Variants in TENM3 observed in about 807,000 individuals in gnomAD.
The protein encoded by TENM3 is teneurin-3.
TENM3 carries 63 observed loss-of-function variants against 255.1 expected under a neutral mutation model. That is an observed-to-expected ratio of 0.25 (90% CI 0.20 to 0.30). The LOEUF (loss-of-function observed/expected upper bound fraction) is 0.30. TENM3 is among the 10% of genes least tolerant of loss of function. The pLI is 1.00. For missense variants in TENM3, 2,929 were observed against 3,461.1 expected, an observed-to-expected ratio of 0.85 and a Z score of 3.86; for synonymous variants, 1,306 against 1,322.3, an observed-to-expected ratio of 0.99 and a Z score of 0.27.
the TENM3 span, among the ~76,000 whole-genome samples, chr4:182,111,343 C>T: frequency 6.6e-6 from 1 of 151,984 alleles, no homozygotes; most frequent in Non-Finnish European, 1.5e-5. Context: ...AGCAATAAAC[C>T]ATAATGGTCT....
intron 1 of TENM3, among the ~76,000 whole-genome samples, chr4:182,159,087 A>C (rs1750912505): frequency 6.6e-6 from 1 of 152,162 alleles, no homozygotes; most frequent in African/African-American, 2.4e-5. Context: ...TCTTCATCTG[A>C]ACATGGGGTT....
At chr4:182,014,707 G>T in the TENM3 span, among the ~76,000 whole-genome samples, 1 of 152,054 alleles carries the variant, frequency 6.6e-6, no homozygotes, top group Admixed American at 6.6e-5. Flanking sequence ...TATGGATGGG[G>T]CACTGGGGAA....
At chr4:182,051,848 T>C in the TENM3 span, among the ~76,000 whole-genome samples, 1 of 152,150 alleles carries the variant, frequency 6.6e-6, no homozygotes, top group African/African-American at 2.4e-5. Context: ...ATCATTGCAA[T>C]AATTGAATTA....
intron 1 of TENM3, among the ~76,000 whole-genome samples, chr4:182,168,134 C>A (rs1181605350): frequency 6.6e-6 from 1 of 151,516 alleles, no homozygotes; most frequent in Non-Finnish European, 1.5e-5. Flanking sequence ...TATATATTTT[C>A]TTTTCTTTTT....
chr4:182,656,084 T>C, intron 6 of TENM3, among the ~76,000 whole-genome samples: 1 of 152,202 alleles, frequency 6.6e-6, no homozygotes, highest in Admixed American at 6.5e-5. Flanking sequence ...TTCAGTTTTA[T>C]ACAGTTCTGT....
chr4:181,683,341 CCCTAAAACTTA>C, the TENM3 span, among the ~76,000 whole-genome samples: 202 of 152,218 alleles, frequency 1.3e-3, no homozygotes, highest in African/African-American at 4.5e-3. Context: ...AGCATTCTGA[CCCTAAAACTTA>C]CACTTCTAAC....
intron 12 of TENM3, among the ~76,000 whole-genome samples, chr4:182,694,929 T>C (rs1338107846): frequency 6.6e-6 from 1 of 152,200 alleles, no homozygotes; most frequent in South Asian, 2.1e-4. Flanking sequence ...AATTAAAAAG[T>C]AAGTGACAAA....
At chr4:181,748,947 A>G in the TENM3 span, among the ~76,000 whole-genome samples, 4 of 152,158 alleles carry the variant, frequency 2.6e-5, no homozygotes, top group Non-Finnish European at 4.4e-5. Context: ...AATAAGACAC[A>G]TAAGTCAAAC....
the TENM3 span, among the ~76,000 whole-genome samples, chr4:182,096,059 G>A: frequency 2.0e-5 from 3 of 151,622 alleles, no homozygotes; most frequent in Admixed American, 2.0e-4. Context: ...GAGCTAGGGA[G>A]GTCAAGACGA....
chr4:181,467,512 C>T, the TENM3 span, among the ~76,000 whole-genome samples: 2 of 151,888 alleles, frequency 1.3e-5, no homozygotes, highest in African/African-American at 4.8e-5. Flanking sequence ...CTAGTTATTA[C>T]AATTTATTGT....
rs141748552 is a variant in TENM3, at chr4:182,387,426, C to T, written c.511+40497C>T. On this transcript the variant is annotated intron_variant, in intron 3 of 27. Transcript: ENST00000511685. Reference sequence around the variant, plus strand: ...CAGGGATTGTAAACGCACCAATCAGCGCCCTGACAAAATAGGCCACTCGGC... The same window carrying T: ...CAGGGATTGTAAACGCACCAATCAGTGCCCTGACAAAATAGGCCACTCGGC... Among the ~76,000 whole-genome samples, 129 of 152,248 alleles carry T rather than the reference C, an allele frequency of 8.5e-4. 1 individual carries two copies. In the East Asian group the frequency reaches 0.014, roughly 16 times the overall value.
intron 3 of TENM3, among the ~76,000 whole-genome samples, chr4:182,532,916 A>G (rs2309691): frequency 0.48 from 73,002 of 152,112 alleles, 17,721 homozygotes; most frequent in East Asian, 0.56. Flanking sequence ...GGTACTCACT[A>G]TATAATATGC....
At chr4:181,808,767 C>T in the TENM3 span, among the ~76,000 whole-genome samples, 4 of 152,000 alleles carry the variant, frequency 2.6e-5, no homozygotes, top group African/African-American at 9.7e-5. Context: ...ACTTTTTTTC[C>T]ACAAACCACA....
At chr4:182,145,119 C>G (rs1181427153) in intron 1 of TENM3, 1 of 152,158 alleles carries the variant, frequency 6.6e-6, no homozygotes, top group Non-Finnish European at 1.5e-5. Context: ...CTTCGGCCCC[C>G]GATGTGTGGC....
At chr4:181,721,465 T>C in the TENM3 span, among the ~76,000 whole-genome samples, 1 of 137,138 alleles carries the variant, frequency 7.3e-6, no homozygotes, top group African/African-American at 2.6e-5. Context: ...CCGGGTGTGG[T>C]GGCGGGCGCC....
intron 6 of TENM3, among the ~76,000 whole-genome samples, chr4:182,665,750 G>A (rs1202392555): frequency 6.6e-6 from 1 of 152,052 alleles, no homozygotes; most frequent in Non-Finnish European, 1.5e-5. Flanking sequence ...AAAAAATTTA[G>A]CCGGACATGG....
At chr4:182,659,456 T>C (rs1271836078) in intron 6 of TENM3, among the ~76,000 whole-genome samples, 2 of 152,212 alleles carry the variant, frequency 1.3e-5, no homozygotes, top group Admixed American at 1.3e-4. Flanking sequence ...ATAGTATATA[T>C]AGGGTTTGAT....
rs1248088774 is a variant in TENM3, at chr4:182,799,192, CCT to C, written c.7345-399_7345-398del. 1.8e-4 allele frequency among the ~76,000 whole-genome samples: 28 copies of C among 152,320 alleles called. No homozygotes were observed. The South Asian group carries it at 5.0e-3, about 27-fold the overall frequency. The stretch of plus-strand genomic sequence containing the variant: ...CTAAGTATCCCCAGCCGTTCAGATC[CCT>C]CTCTGTGTTTGGTGGCTTCTCAGCC... On this transcript the variant is annotated intron_variant, in intron 27 of 27. Transcript: ENST00000511685. The surrounding 1 kb of genome is among the most constrained non-coding windows in gnomAD (Gnocchi z 4.2).
the TENM3 span, among the ~76,000 whole-genome samples, chr4:181,962,876 T>G: frequency 2.0e-5 from 3 of 152,170 alleles, no homozygotes; most frequent in African/African-American, 7.2e-5. Flanking sequence ...AAATAAATGG[T>G]ACGTAAAATT....
Sources: gnomAD v4.1 joint callset for allele counts (sites outside exome capture counted in the v4.1 genomes callset) on GRCh38, gnomAD v4.1.1 for gene constraint, Gnocchi (gnomAD v3.1) non-coding constraint, MANE v1.5 for transcripts, NCBI Gene and HGNC (gene_info 2026-07-23, HGNC 2026-07-21) for gene names.